The following SLC24A3 variants were observed in gnomAD, a reference collection of about 807,000 sequenced individuals.
SLC24A3 encodes the protein solute carrier family 24 member 3.
Under a neutral mutation model 75.8 loss-of-function variants are expected in SLC24A3, and 28 were observed. The ratio of observed to expected loss-of-function variants is 0.37; its 90% CI spans 0.27 to 0.51. The LOEUF is 0.51. Ranked by LOEUF, SLC24A3 falls within the 20% of genes least tolerant of loss-of-function variation. The pLI is 0.94. For missense variants in SLC24A3, 663 were observed against 847.8 expected, an observed-to-expected ratio of 0.78 and a Z score of 2.71; for synonymous variants, 372 against 334.1, an observed-to-expected ratio of 1.11 and a Z score of -1.24.
chr20:19,371,363 T>C (rs1165882812), intron 2 of SLC24A3, among the ~76,000 whole-genome samples: 1 of 96,384 alleles, frequency 1.0e-5, no homozygotes, highest in Non-Finnish European at 1.8e-5. Context: ...GGTCTGGGGA[T>C]CACCGAGCAG....
chr20:19,472,310 T>G (rs1987887976), intron 2 of SLC24A3, among the ~76,000 whole-genome samples: 1 of 152,224 alleles, frequency 6.6e-6, no homozygotes, highest in South Asian at 2.1e-4. Flanking sequence ...AGGGGTCCAG[T>G]GAGGCGTTTT....
chr20:19,215,026 A>C (rs567095978), intron 1 of SLC24A3, among the ~76,000 whole-genome samples: 1 of 152,188 alleles, frequency 6.6e-6, no homozygotes, highest in African/African-American at 2.4e-5. Flanking sequence ...GTCTCCAATC[A>C]CTTTTTTTTC....
intron 9 of SLC24A3, among the ~76,000 whole-genome samples, chr20:19,678,809 T>G (rs1481850759): frequency 1.6e-5 from 2 of 124,750 alleles, no homozygotes; most frequent in African/African-American, 3.2e-5. Context: ...GGGCGGAGGG[T>G]CTCCTCCCTT....
intron 2 of SLC24A3, among the ~76,000 whole-genome samples, chr20:19,353,770 C>T (rs1436475272): frequency 6.6e-6 from 1 of 152,106 alleles, no homozygotes; most frequent in East Asian, 1.9e-4. Flanking sequence ...ATTAAAATTG[C>T]CATGAGATAG....
At chr20:19,247,967 C>G (rs1332918775) in intron 1 of SLC24A3, among the ~76,000 whole-genome samples, 1 of 152,100 alleles carries the variant, frequency 6.6e-6, no homozygotes, top group African/African-American at 2.4e-5. Context: ...ATAAGTGTGT[C>G]CTCTACCTTA....
chr20:19,591,033 C>A (rs1389412872), intron 6 of SLC24A3, among the ~76,000 whole-genome samples: 1 of 152,152 alleles, frequency 6.6e-6, no homozygotes, highest in African/African-American at 2.4e-5. Flanking sequence ...CTCTGGCCAT[C>A]CCCACCCCAA....
At chr20:19,257,501 C>T (rs548651129) in intron 1 of SLC24A3, 1 of 152,202 alleles carries the variant, frequency 6.6e-6, no homozygotes, top group Non-Finnish European at 1.5e-5. Flanking sequence ...CCAAAAGGCT[C>T]AATGTCAAAA....
At chr20:19,325,795 T>TATATAGAG (rs1251419875) in intron 2 of SLC24A3, among the ~76,000 whole-genome samples, 126 of 67,794 alleles carry the variant, frequency 1.9e-3, no homozygotes, top group East Asian at 7.5e-3. Context: ...TATATATATA[T>TATATAGAG]AGAGAGAGAG....
intron 3 of SLC24A3, among the ~76,000 whole-genome samples, chr20:19,534,135 A>G (rs2030353440): frequency 6.6e-6 from 1 of 152,270 alleles, no homozygotes; most frequent in Non-Finnish European, 1.5e-5. Flanking sequence ...TAAATAGCAA[A>G]GCTTGGTATT....
intron 2 of SLC24A3, among the ~76,000 whole-genome samples, chr20:19,427,946 G>T (rs1987038900): frequency 6.6e-6 from 1 of 152,192 alleles, no homozygotes; most frequent in Non-Finnish European, 1.5e-5. Flanking sequence ...CAATAATTCT[G>T]CTGTCCACAC....
At chr20:19,263,032 T>TG (rs1983042349) in intron 1 of SLC24A3, among the ~76,000 whole-genome samples, 1 of 128,836 alleles carries the variant, frequency 7.8e-6, no homozygotes, top group Admixed American at 8.9e-5. Context: ...CACTCCAGCC[T>TG]TTGTGTGTGT....
At chr20:19,544,080 C>T (rs1178618222) in intron 3 of SLC24A3, among the ~76,000 whole-genome samples, 1 of 152,148 alleles carries the variant, frequency 6.6e-6, no homozygotes, top group Admixed American at 6.5e-5. Context: ...CATTTCTAAC[C>T]AAAAATATCA....
intron 3 of SLC24A3, among the ~76,000 whole-genome samples, chr20:19,523,264 T>C (rs898479475): frequency 1.3e-5 from 2 of 152,154 alleles, no homozygotes; most frequent in Non-Finnish European, 2.9e-5. Flanking sequence ...CATGATCTGG[T>C]CAGAAAGGTC....
chr20:19,593,337 C>T (rs2031405514), intron 6 of SLC24A3, among the ~76,000 whole-genome samples: 1 of 152,210 alleles, frequency 6.6e-6, no homozygotes, highest in Non-Finnish European at 1.5e-5. Flanking sequence ...GAGGTAGAGA[C>T]TGGGCATCCA....
At chr20:19,330,139 C>T (rs533404275) in intron 2 of SLC24A3, among the ~76,000 whole-genome samples, 8 of 152,334 alleles carry the variant, frequency 5.3e-5, no homozygotes, top group South Asian at 2.1e-4. Flanking sequence ...TGCCTTAGGA[C>T]GGAACCATCT....
intron 2 of SLC24A3, among the ~76,000 whole-genome samples, chr20:19,373,685 A>G (rs1986028902): frequency 6.6e-6 from 1 of 152,176 alleles, no homozygotes; most frequent in Non-Finnish European, 1.5e-5. Flanking sequence ...CCTGGATCCT[A>G]AGTTACGGAG....
chr20:19,496,070 A>G (rs1270099472), intron 2 of SLC24A3, among the ~76,000 whole-genome samples: 1 of 152,238 alleles, frequency 6.6e-6, no homozygotes, highest in Non-Finnish European at 1.5e-5. Context: ...CTCTCAGTGC[A>G]GACGAGTCAG....
At chr20:19,270,902 A>G (rs993222241) in intron 1 of SLC24A3, among the ~76,000 whole-genome samples, 6 of 152,148 alleles carry the variant, frequency 3.9e-5, no homozygotes, top group African/African-American at 1.4e-4. Context: ...TTGAGCTACT[A>G]CAGATTGTGA....
intron 2 of SLC24A3, among the ~76,000 whole-genome samples, chr20:19,513,876 C>T (rs752707532): frequency 6.6e-6 from 1 of 152,012 alleles, no homozygotes; most frequent in Non-Finnish European, 1.5e-5. Context: ...TATCCATTAC[C>T]TCTACATAGT....
Sources: gnomAD v4.1 joint callset for allele counts (sites outside exome capture counted in the v4.1 genomes callset) on GRCh38, gnomAD v4.1.1 for gene constraint, MANE v1.5 for transcripts, NCBI Gene and HGNC (gene_info 2026-07-23, HGNC 2026-07-21) for gene names.